HPCAL1: variants seen among roughly 807,000 people sequenced by gnomAD.
The protein encoded by HPCAL1 is hippocalcin like 1.
In HPCAL1, 8 loss-of-function variants were observed where a neutral mutation model predicts 17.1. The ratio of observed to expected loss-of-function variants is 0.47; its 90% CI spans 0.27 to 0.84. HPCAL1 has a LOEUF of 0.84. Ranked by LOEUF, HPCAL1 falls within the 40% of genes least tolerant of loss-of-function variation. The pLI is 0.13. For missense variants in HPCAL1, 165 were observed against 271.1 expected, an observed-to-expected ratio of 0.61 and a Z score of 2.75; for synonymous variants, 112 against 111.4, an observed-to-expected ratio of 1.01 and a Z score of -0.03.
intron 2 of HPCAL1, among the ~76,000 whole-genome samples, chr2:10,398,669 T>A (rs1366529214): frequency 6.6e-6 from 1 of 151,996 alleles, no homozygotes; most frequent in Non-Finnish European, 1.5e-5. Flanking sequence ...CTCCCCACCC[T>A]CTGCCCGTCC....
chr2:10,316,640 C>A (rs1243295102), intron 1 of HPCAL1, among the ~76,000 whole-genome samples: 1 of 152,104 alleles, frequency 6.6e-6, no homozygotes, highest in Non-Finnish European at 1.5e-5. Flanking sequence ...ATGAGGCCAG[C>A]CATCAGAAAA....
At position 10,426,857 on chromosome 2, in the gene HPCAL1, G is replaced by C; in HGVS notation, c.*36G>C. Reference sequence around the variant, plus strand: ...CCTGGACAGTTGCAGAGAAACACAGGCTTGTCGTGCCGTTTAAGCTTTGCT... The same window carrying C: ...CCTGGACAGTTGCAGAGAAACACAGCCTTGTCGTGCCGTTTAAGCTTTGCT... On this transcript the variant is annotated 3_prime_UTR_variant, in exon 5 of 5. Coordinates refer to ENST00000307845, the MANE Select transcript of HPCAL1 (RefSeq NM_002149.4). 6.5e-7 allele frequency: 1 copy of C among 1,548,714 alleles called. No individual in the cohort carries two copies. The highest frequency in any genetic ancestry group is 8.9e-7 in the Non-Finnish European group (1 of 1,121,672).
At position 10,391,965 on chromosome 2, in the gene HPCAL1, G is replaced by A. The variant is rs572704809; in HGVS notation, c.-110-4870G>A. Among the ~76,000 whole-genome samples the A allele has an allele frequency of 2.6e-4, 39 of 152,242 alleles. No individual in the cohort carries two copies. In the South Asian group the frequency reaches 7.9e-3, roughly 31 times the overall value. ...GGATTTCACCATCTTGTCCAGGCTGGTCTTGAACTCCTGACCTCGTGATCC... is the reference window on the plus strand; with the variant it reads ...GGATTTCACCATCTTGTCCAGGCTGATCTTGAACTCCTGACCTCGTGATCC... On this transcript the variant is annotated intron_variant, in intron 1 of 4. Transcript: ENST00000307845.
At chr2:10,405,294 G>T (rs1312921030) in intron 2 of HPCAL1, among the ~76,000 whole-genome samples, 1 of 152,176 alleles carries the variant, frequency 6.6e-6, no homozygotes, top group Non-Finnish European at 1.5e-5. Flanking sequence ...CTGGCATTCT[G>T]GTTCAATTTT....
intron 1 of HPCAL1, among the ~76,000 whole-genome samples, chr2:10,385,076 C>T (rs1325730323): frequency 2.1e-5 from 3 of 146,188 alleles, no homozygotes; most frequent in Non-Finnish European, 3.0e-5. Context: ...GCCAGCCTGG[C>T]GATAGAGCAA....
chr2:10,413,677 A>T lies in HPCAL1; in HGVS notation c.-24-6057A>T, dbSNP rs534588518. Among the ~76,000 whole-genome samples the T allele has an allele frequency of 2.6e-5, 4 of 152,314 alleles. No individual in the cohort carries two copies. The East Asian group carries it at 7.7e-4, about 29-fold the overall frequency. On this transcript the variant is annotated intron_variant, in intron 2 of 4. Transcript: ENST00000307845. ...CTCACTGGGTTTGGCACTGCCCCTA[A>T]TCTGGTACCTCCCTTTCTATACGCA...
intron 1 of HPCAL1, among the ~76,000 whole-genome samples, chr2:10,308,352 C>T (rs1175960017): frequency 6.6e-6 from 1 of 152,126 alleles, no homozygotes; most frequent in African/African-American, 2.4e-5. Context: ...AGTTCATAGC[C>T]ATTACCACAA....
chr2:10,419,715 C>A lies in HPCAL1; in HGVS notation c.-24-19C>A. The stretch of plus-strand genomic sequence containing the variant: ...CCGTGGCCGTGGGTGGCGTCCCCGG[C>A]TGACCCCCTGTCTTGCAGGTGTAGT... On this transcript the variant is annotated intron_variant, in intron 2 of 4. Transcript: ENST00000307845. This position sits in a 1 kb window ranked among gnomAD's most constrained non-coding sequence, Gnocchi z 5.0. 1 of 1,577,314 alleles carries A rather than the reference C, an allele frequency of 6.3e-7. No homozygotes were observed. Among genetic ancestry groups the A allele is most frequent in the South Asian group, 1.2e-5 (1 of 84,384 alleles).
At position 10,419,702 on chromosome 2, in the gene HPCAL1, G is replaced by T; in HGVS notation, c.-24-32G>T. ...GCTCAGCCCTGCTCCGTGGCCGTGG[G>T]TGGCGTCCCCGGCTGACCCCCTGTC... On this transcript the variant is annotated intron_variant, in intron 2 of 4. Coordinates refer to ENST00000307845, the MANE Select transcript of HPCAL1 (RefSeq NM_002149.4). The surrounding 1 kb of genome is among the most constrained non-coding windows in gnomAD (Gnocchi z 5.0). 6.4e-7 allele frequency: 1 copy of T among 1,563,232 alleles called. No homozygotes were observed. Among genetic ancestry groups the T allele is most frequent in the South Asian group, 1.2e-5 (1 of 82,152 alleles).
chr2:10,328,359 G>GT (rs1334277259), intron 1 of HPCAL1, among the ~76,000 whole-genome samples: 2 of 152,228 alleles, frequency 1.3e-5, no homozygotes, highest in African/African-American at 4.8e-5. Flanking sequence ...CTATGTGATG[G>GT]TTAATATCAT....
chr2:10,351,027 A>C (rs994226988), intron 1 of HPCAL1, among the ~76,000 whole-genome samples: 3 of 152,226 alleles, frequency 2.0e-5, no homozygotes, highest in African/African-American at 7.2e-5. Flanking sequence ...CAAAAGCTTA[A>C]ATCTAGAGTT....
At chr2:10,413,572 C>T (rs947709019) in intron 2 of HPCAL1, among the ~76,000 whole-genome samples, 7 of 152,194 alleles carry the variant, frequency 4.6e-5, no homozygotes, top group African/African-American at 9.7e-5. Flanking sequence ...CTCTGGCACA[C>T]GCAGGAAGGT....
rs1553353353 is a variant in HPCAL1 at position 10,383,682 on chromosome 2, A to AAAAAG, written c.-110-13138_-110-13134dup. Among the ~76,000 whole-genome samples, 627 of 109,328 alleles carry AAAAAG rather than the reference A, an allele frequency of 5.7e-3. 6 individuals are homozygous for AAAAAG. The highest frequency in any genetic ancestry group is 0.024 in the African/African-American group (602 of 24,598). 71.7% of individuals were successfully genotyped at this position (109,328 alleles called of 152,430 possible). Reference sequence around the variant, plus strand: ...CCTGAGTGAGACCCTTTCTCAAAAAAAAAAGAAAAGAAAAGAAAAAAAAGG... The same window carrying AAAAAG: ...CCTGAGTGAGACCCTTTCTCAAAAAAAAAAGAAAAGAAAAGAAAAGAAAAAAAAGG... On this transcript the variant is annotated intron_variant, in intron 1 of 4. Coordinates refer to ENST00000307845, the MANE Select transcript of HPCAL1 (RefSeq NM_002149.4).
At position 10,323,478 on chromosome 2, in the gene HPCAL1, G is replaced by T. The variant is rs75458839; in HGVS notation, c.-111+20301G>T. On this transcript the variant is annotated intron_variant, in intron 1 of 4. Transcript: ENST00000307845. This position sits in a 1 kb window ranked among gnomAD's most constrained non-coding sequence, Gnocchi z 4.6. ...CCTGCACCTGGCCCTGGCAGTGGGC[G>T]CACGTTAGGTGGGATTGCTGAAGAC... Among the ~76,000 whole-genome samples the T allele has an allele frequency of 0.067, 10,204 of 152,266 alleles. 449 individuals are homozygous for T. Among genetic ancestry groups the T allele is most frequent in the Middle Eastern group, 0.092 (27 of 294 alleles).
intron 1 of HPCAL1, among the ~76,000 whole-genome samples, chr2:10,321,206 A>C (rs1435471000): frequency 6.6e-6 from 1 of 152,158 alleles, no homozygotes; most frequent in Admixed American, 6.5e-5. Flanking sequence ...AGAGAGAAAA[A>C]TGCAAGGTGC....
chr2:10,389,313 C>T (rs893478208), intron 1 of HPCAL1, among the ~76,000 whole-genome samples: 2 of 152,210 alleles, frequency 1.3e-5, no homozygotes, highest in African/African-American at 4.8e-5. Flanking sequence ...GGGCACACTG[C>T]CTGTGGGGTA....
intron 1 of HPCAL1, among the ~76,000 whole-genome samples, chr2:10,314,441 C>T (rs1663178811): frequency 6.6e-6 from 1 of 152,056 alleles, no homozygotes; most frequent in East Asian, 1.9e-4. Flanking sequence ...GGACTCGTGG[C>T]GTAAGGGCGA....
intron 1 of HPCAL1, among the ~76,000 whole-genome samples, chr2:10,318,185 T>C (rs2125397142): frequency 6.6e-6 from 1 of 152,232 alleles, no homozygotes; most frequent in African/African-American, 2.4e-5. Flanking sequence ...TTGTCAAATA[T>C]TGACAAGTCT....
chr2:10,319,731 C>G lies in HPCAL1; in HGVS notation c.-111+16554C>G, dbSNP rs547929815. On this transcript the variant is annotated intron_variant, in intron 1 of 4. Transcript: ENST00000307845. ...TCCACCTGGCCCCTTGGTGGAGCTCCCATTCATTCATTCACTCATTCACTC... is the reference window on the plus strand; with the variant it reads ...TCCACCTGGCCCCTTGGTGGAGCTCGCATTCATTCATTCACTCATTCACTC... Among the ~76,000 whole-genome samples the G allele has an allele frequency of 5.3e-5, 8 of 151,860 alleles. No homozygotes were observed. In the East Asian group the frequency reaches 1.6e-3, roughly 30 times the overall value.
Sources: gnomAD v4.1 joint callset for allele counts (sites outside exome capture counted in the v4.1 genomes callset) on GRCh38, gnomAD v4.1.1 for gene constraint, Gnocchi (gnomAD v3.1) non-coding constraint, MANE v1.5 for transcripts, NCBI Gene and HGNC (gene_info 2026-07-23, HGNC 2026-07-21) for gene names.